MAPRE3: variants seen among roughly 807,000 people sequenced by gnomAD.
MAPRE3 encodes microtubule associated protein RP/EB family member 3.
A neutral mutation model predicts 30.5 loss-of-function variants in MAPRE3; 2 were observed. That is an observed-to-expected ratio of 0.07 (90% CI 0.03 to 0.21). The LOEUF (loss-of-function observed/expected upper bound fraction) is 0.21, where lower values mean the gene tolerates loss of function less well. MAPRE3 is among the 10% of genes least tolerant of loss of function. The pLI, the probability that MAPRE3 is intolerant of heterozygous loss-of-function variation, is 1.00. For missense variants in MAPRE3, 204 were observed against 351.8 expected, an observed-to-expected ratio of 0.58 and a Z score of 3.36; for synonymous variants, 110 against 127.7, an observed-to-expected ratio of 0.86 and a Z score of 0.93.
intron 1 of MAPRE3, among the ~76,000 whole-genome samples, chr2:26,995,825 G>GTGTATGTA (rs1553327994): frequency 1.3e-5 from 2 of 149,348 alleles, no homozygotes; most frequent in East Asian, 4.2e-4. Flanking sequence ...GTGTGTGTGT[G>GTGTATGTA]TGTGTATGTG....
intron 1 of MAPRE3, among the ~76,000 whole-genome samples, chr2:27,007,905 A>G (rs1666766677): frequency 1.3e-5 from 2 of 152,220 alleles, no homozygotes; most frequent in Non-Finnish European, 2.9e-5. Context: ...CAAGGTCCTG[A>G]GCAGATGTCT....
chr2:27,024,385 C>T (rs1667188220), intron 4 of MAPRE3, 88 bp downstream of exon 4: 2 of 1,217,200 alleles, frequency 1.6e-6, no homozygotes, highest in Non-Finnish European at 2.3e-6. Flanking sequence ...CACGGCCCGG[C>T]CCTGCCAGCC....
At position 26,991,099 on chromosome 2, in the gene MAPRE3, A is replaced by G. The variant is rs368889424; in HGVS notation, c.-8+20297A>G. 2.2e-4 allele frequency among the ~76,000 whole-genome samples: 34 copies of G among 152,244 alleles called. No homozygotes were observed. The South Asian group carries it at 3.5e-3, about 16-fold the overall frequency. On this transcript the variant is annotated intron_variant, in intron 1 of 6. Coordinates refer to ENST00000233121, the MANE Select transcript of MAPRE3 (RefSeq NM_012326.4). ...AAACCCCGTCTCTACTAAAAATACAAAAAAATTAGCCAGGCGTGGTGGTGG... is the reference window on the plus strand; with the variant it reads ...AAACCCCGTCTCTACTAAAAATACAGAAAAATTAGCCAGGCGTGGTGGTGG...
chr2:26,984,808 A>T (rs755812484), intron 1 of MAPRE3: 6 of 152,226 alleles, frequency 3.9e-5, no homozygotes, highest in Non-Finnish European at 8.8e-5. Flanking sequence ...TACAGTAGTC[A>T]TATCAAGTTC....
intron 1 of MAPRE3, among the ~76,000 whole-genome samples, chr2:26,983,533 G>C (rs1167014431): frequency 6.6e-6 from 1 of 152,184 alleles, no homozygotes; most frequent in African/African-American, 2.4e-5. Context: ...AGGCCCTCTC[G>C]AAGGGTATTG....
intron 1 of MAPRE3, among the ~76,000 whole-genome samples, chr2:27,000,137 G>C (rs1336730383): frequency 6.6e-6 from 1 of 152,190 alleles, no homozygotes; most frequent in Non-Finnish European, 1.5e-5. Context: ...ATGGATGGCT[G>C]ATTTTACAAA....
intron 1 of MAPRE3, chr2:27,002,779 T>G (rs561426468): frequency 3.1e-4 from 47 of 152,402 alleles, no homozygotes; most frequent in African/African-American, 1.1e-3. Context: ...ATTCTTGTTT[T>G]GAAAGTCCTT....
At chr2:27,004,545 T>G (rs946152936) in intron 1 of MAPRE3, among the ~76,000 whole-genome samples, 2 of 152,090 alleles carry the variant, frequency 1.3e-5, no homozygotes, top group African/African-American at 4.8e-5. Context: ...TCGAAATACA[T>G]TTCATGATAG....
chr2:27,008,988 C>A (rs1323552634), intron 1 of MAPRE3, among the ~76,000 whole-genome samples: 2 of 133,804 alleles, frequency 1.5e-5, no homozygotes, highest in African/African-American at 2.8e-5. Flanking sequence ...ATAACGTTGA[C>A]AAAATGACAA....
intron 1 of MAPRE3, among the ~76,000 whole-genome samples, chr2:27,000,857 CT>C (rs1342187094): frequency 6.6e-6 from 1 of 152,234 alleles, no homozygotes; most frequent in African/African-American, 2.4e-5. Flanking sequence ...AAGTAGTTAT[CT>C]TGGCAACTAT....
At chr2:26,999,488 C>CTTTTTTT (rs531651199) in intron 1 of MAPRE3, among the ~76,000 whole-genome samples, 1,017 of 78,970 alleles carry the variant, frequency 0.013, 65 homozygotes, top group Non-Finnish European at 0.016. Flanking sequence ...TTCCTTCTTT[C>CTTTTTTT]TTTTTTTTTT....
intron 1 of MAPRE3, among the ~76,000 whole-genome samples, chr2:26,989,901 G>A (rs984942538): frequency 6.6e-6 from 1 of 152,214 alleles, no homozygotes; most frequent in African/African-American, 2.4e-5. Context: ...ATTTCCAGCT[G>A]TGTGTGGTAG....
chr2:27,016,031 C>T (rs1407255098), intron 1 of MAPRE3, among the ~76,000 whole-genome samples: 3 of 152,228 alleles, frequency 2.0e-5, no homozygotes, highest in African/African-American at 2.4e-5. Flanking sequence ...TCAGCAAAAT[C>T]ACCAGATTAA....
At chr2:27,011,231 C>T (rs1219348714) in intron 1 of MAPRE3, among the ~76,000 whole-genome samples, 5 of 152,138 alleles carry the variant, frequency 3.3e-5, no homozygotes, top group Non-Finnish European at 5.9e-5. Flanking sequence ...CTCCTCGCTG[C>T]TTTCTGGCAT....
At chr2:27,003,485 G>A (rs1281974004) in intron 1 of MAPRE3, among the ~76,000 whole-genome samples, 1 of 152,186 alleles carries the variant, frequency 6.6e-6, no homozygotes, top group African/African-American at 2.4e-5. Flanking sequence ...ACCCTCAAGA[G>A]AGAAGCACCA....
Position 26,982,364 on chromosome 2 carries a change from A to G in MAPRE3, c.-8+11562A>G, listed in dbSNP as rs116817904. Among the ~76,000 whole-genome samples, 654 of 152,364 alleles carry G rather than the reference A, an allele frequency of 4.3e-3. 2 individuals are homozygous for G. The highest frequency in any genetic ancestry group is 6.6e-3 in the Non-Finnish European group (451 of 68,038). On this transcript the variant is annotated intron_variant, in intron 1 of 6. Transcript: ENST00000233121. ...ACTAGGTGGGAATATGTGGAAAGTC[A>G]GGTGCAGGAGTCAACCTGTGGAAAC...
chr2:26,989,990 A>C (rs535674045), intron 1 of MAPRE3, among the ~76,000 whole-genome samples: 4 of 152,238 alleles, frequency 2.6e-5, no homozygotes, highest in African/African-American at 7.2e-5. Flanking sequence ...ACAAGCCTAG[A>C]CAACATAGTG....
intron 1 of MAPRE3, among the ~76,000 whole-genome samples, chr2:26,997,515 T>C (rs1466181549): frequency 6.6e-6 from 1 of 152,046 alleles, no homozygotes; most frequent in Non-Finnish European, 1.5e-5. Context: ...ATTCCTCAAA[T>C]GCACAGTTCA....
At chr2:27,022,179 A>G (rs1222836045) in intron 1 of MAPRE3, 33 bp from the exon 2 acceptor site, 4 of 1,607,986 alleles carry the variant, frequency 2.5e-6, no homozygotes, top group Non-Finnish European at 3.4e-6. Context: ...ATGAGGCCCC[A>G]GTGCTGACCT....
Sources: allele counts gnomAD v4.1 joint callset (sites outside exome capture counted in the v4.1 genomes callset), GRCh38; gene constraint gnomAD v4.1.1; transcripts MANE v1.5; gene names NCBI Gene and HGNC (gene_info 2026-07-23, HGNC 2026-07-21).